RAD54L2: variants seen among roughly 807,000 people sequenced by gnomAD.
The protein encoded by RAD54L2 is RAD54 like 2, also known as helicase ARIP4.
A neutral mutation model predicts 138.4 loss-of-function variants in RAD54L2; 27 were observed. That is an observed-to-expected ratio of 0.20 (90% CI 0.14 to 0.27). The LOEUF is 0.27. Ranked by LOEUF, RAD54L2 falls within the 10% of genes least tolerant of loss-of-function variation. RAD54L2 has a pLI of 1.00. For missense variants in RAD54L2, 1,396 were observed against 1,890.2 expected, an observed-to-expected ratio of 0.74 and a Z score of 4.85; for synonymous variants, 644 against 723.2, an observed-to-expected ratio of 0.89 and a Z score of 1.76.
At chr3:51,661,689 A>G (rs1243369183) in intron 22 of RAD54L2, among the ~76,000 whole-genome samples, 2 of 152,236 alleles carry the variant, frequency 1.3e-5, no homozygotes, top group African/African-American at 4.8e-5. Flanking sequence ...TCAAATTTTC[A>G]TACATACAGA....
At chr3:51,598,137 GTGTATATATATA>G (rs1700008294) in intron 3 of RAD54L2, among the ~76,000 whole-genome samples, 2 of 145,406 alleles carry the variant, frequency 1.4e-5, no homozygotes, top group East Asian at 2.0e-4. Flanking sequence ...ATATATATGT[GTGTATATATATA>G]TGTGTGTGTG....
chr3:51,629,595 A>C, intron 5 of RAD54L2, 122 bp downstream of exon 5: 82 of 1,266,640 alleles, frequency 6.5e-5, no homozygotes, highest in Non-Finnish European at 8.4e-5. Context: ...GCGGTGGCTC[A>C]CGCCTGTAAT....
rs1207317070 is a variant in RAD54L2 at position 51,607,093 on chromosome 3, AT to A, written c.139+16541del. On this transcript the variant is annotated intron_variant, in intron 3 of 22. Coordinates refer to ENST00000684192, the MANE Select transcript of RAD54L2 (RefSeq NM_015106.4). ...ATTTTTTTTTATTTTTTTATTTTTT[AT>A]TTTTTTATTTTATTTTATTTTTTTT... 5.0e-3 allele frequency among the ~76,000 whole-genome samples: 637 copies of A among 128,494 alleles called. 4 individuals are homozygous for A. The highest frequency in any genetic ancestry group is 0.017 in the African/African-American group (595 of 34,888). The allele number at this position is 128,494 out of a possible 152,430, so 84.3% of individuals were successfully genotyped here.
intron 2 of RAD54L2, among the ~76,000 whole-genome samples, chr3:51,576,976 G>C (rs945363324): frequency 6.6e-6 from 1 of 152,026 alleles, no homozygotes; most frequent in Non-Finnish European, 1.5e-5. Flanking sequence ...TCTCTTGTGG[G>C]CATTTAGTGC....
chr3:51,612,704 A>C (rs1466207033), intron 3 of RAD54L2, among the ~76,000 whole-genome samples: 3 of 152,098 alleles, frequency 2.0e-5, no homozygotes, highest in South Asian at 2.1e-4. Flanking sequence ...AAAAAAAAAA[A>C]AAAAACCTGT....
rs1419117552 is a variant in RAD54L2, at chr3:51,659,351, C to T, written c.3317-675C>T. Among the ~76,000 whole-genome samples the T allele has an allele frequency of 3.9e-5, 6 of 152,028 alleles. No individual in the cohort carries two copies. In the East Asian group the frequency reaches 7.7e-4, roughly 20 times the overall value. On this transcript the variant is annotated intron_variant, in intron 21 of 22. Coordinates refer to ENST00000684192, the MANE Select transcript of RAD54L2 (RefSeq NM_015106.4). ...CAATCTCCTGACCTTGTGATCCACC[C>T]GCCTCGGCCTCCCAAAATGCTGGGA...
chr3:51,551,506 G>T (rs1698836890), intron 2 of RAD54L2, among the ~76,000 whole-genome samples: 1 of 151,734 alleles, frequency 6.6e-6, no homozygotes, highest in Admixed American at 6.6e-5. Context: ...CGCGATCTCG[G>T]CTCACTGCAA....
At chr3:51,629,708 A>G (rs1282988477) in intron 5 of RAD54L2, among the ~76,000 whole-genome samples, 1 of 151,696 alleles carries the variant, frequency 6.6e-6, no homozygotes, top group Non-Finnish European at 1.5e-5. Flanking sequence ...AAAATACAAA[A>G]AAAAATTAGC....
chr3:51,582,649 T>C (rs1379730172), intron 2 of RAD54L2, among the ~76,000 whole-genome samples: 3 of 151,394 alleles, frequency 2.0e-5, no homozygotes, highest in Non-Finnish European at 2.9e-5. Flanking sequence ...TTTCATTTGC[T>C]CCCCTCAGAA....
intron 21 of RAD54L2, among the ~76,000 whole-genome samples, chr3:51,658,195 G>C (rs1285335249): frequency 6.6e-6 from 1 of 151,606 alleles, no homozygotes; most frequent in African/African-American, 2.4e-5. Context: ...GCCTCCCAAC[G>C]TGCCGGGATT....
At chr3:51,657,029 A>C (rs902836671) in intron 20 of RAD54L2, among the ~76,000 whole-genome samples, 1 of 152,102 alleles carries the variant, frequency 6.6e-6, no homozygotes, top group Non-Finnish European at 1.5e-5. Context: ...GAGCCATTGC[A>C]CCCGGCCAAT....
intron 3 of RAD54L2, among the ~76,000 whole-genome samples, chr3:51,616,283 A>C (rs1700440008): frequency 6.6e-6 from 1 of 152,028 alleles, no homozygotes; most frequent in Admixed American, 6.6e-5. Context: ...TCTCTTCCCT[A>C]CCCTTCCAAC....
At chr3:51,649,902 A>G (rs1316173521) in intron 19 of RAD54L2, among the ~76,000 whole-genome samples, 2 of 152,236 alleles carry the variant, frequency 1.3e-5, no homozygotes, top group African/African-American at 4.8e-5. Context: ...ACCAGCAAAC[A>G]TCATAATGAT....
intron 2 of RAD54L2, among the ~76,000 whole-genome samples, chr3:51,567,438 T>C (rs536235655): frequency 1.1e-3 from 166 of 152,320 alleles, no homozygotes; most frequent in African/African-American, 3.9e-3. Context: ...CAGTACTTTT[T>C]TTTGTTAACT....
At chr3:51,578,629 A>G (rs1699536949) in intron 2 of RAD54L2, among the ~76,000 whole-genome samples, 1 of 151,978 alleles carries the variant, frequency 6.6e-6, no homozygotes, top group Non-Finnish European at 1.5e-5. Context: ...TCGCTACTCT[A>G]CTCATCGTGG....
At position 51,633,691 on chromosome 3, in the gene RAD54L2, C is replaced by G. The variant is rs528014836; in HGVS notation, c.940C>G (p.Gln314Glu). ...CAGCATGGGTCTGGGGAAAACTTTG[C>G]AAGTGATCTCTTTCATCGACGTCCT... ...AHSMGLGKTL[Q>E]VISFIDVLFR... Residue 314 changes from glutamine (Q) to glutamate (E), a missense_variant, in exon 8 of 23, where the codon CAA becomes GAA. Physicochemically the swap from Gln to Glu is conservative, Grantham distance 29. Around this residue, in one of 7 missense-constraint regions of RAD54L2, gnomAD observed 169 missense variants for 235.6 expected, o/e 0.72. Transcript: ENST00000684192. 2 of 1,613,998 alleles carry G rather than the reference C, an allele frequency of 1.2e-6. No individual in the cohort carries two copies. The highest frequency in any genetic ancestry group is 2.7e-5 in the African/African-American group (2 of 75,060).
chr3:51,662,283 T>A lies in RAD54L2; in HGVS notation c.3410-143T>A, dbSNP rs116442586. The A allele has an allele frequency of 1.2e-3, 808 of 676,044 alleles. 8 individuals carry two copies. The African/African-American group carries it at 0.014, about 11-fold the overall frequency. The allele number at this position is 676,044 out of a possible 1,614,324, so 41.9% of individuals were successfully genotyped here. A position where few individuals can be genotyped will look rare whatever the true frequency, so the allele number is the denominator to read the frequency against. On this transcript the variant is annotated intron_variant, in intron 22 of 22. Coordinates refer to ENST00000684192, the MANE Select transcript of RAD54L2 (RefSeq NM_015106.4). The surrounding 1 kb of genome is among the most constrained non-coding windows in gnomAD (Gnocchi z 4.6). The stretch of plus-strand genomic sequence containing the variant: ...AGAATTTCTTTGTGACTGGAAAAGG[T>A]TGACTGGGTGATGTTGTTCAGACAT...
rs1701069759 is a variant in RAD54L2, at chr3:51,639,437, G to A, written c.1879G>A (p.Val627Met). 2 of 1,613,968 alleles carry A rather than the reference G, an allele frequency of 1.2e-6. No homozygotes were observed. The highest frequency in any genetic ancestry group is 1.1e-5 in the South Asian group (1 of 91,076). Reference sequence around the variant, plus strand: ...ACCTCAGATCTGGAATCACCCTGATGTGCTGTATGAAGCCCTTCAGAAGGA... The same window carrying A: ...ACCTCAGATCTGGAATCACCCTGATATGCTGTATGAAGCCCTTCAGAAGGA... ...VCCKIWNHPDVLYEALQKESL... is the reference protein window; with the variant it reads ...VCCKIWNHPDMLYEALQKESL... The change falls in exon 13 of 23, where the codon GTG (valine) becomes ATG (methionine). Residue 627 changes from valine (V) to methionine (M), a missense_variant. Physicochemically the swap from Val to Met is conservative, Grantham distance 21 (BLOSUM62 1). Transcript: ENST00000684192.
At chr3:51,627,863 A>G (rs1700729489) in intron 4 of RAD54L2, 109 bp downstream of exon 4, 4 of 1,229,494 alleles carry the variant, frequency 3.3e-6, no homozygotes, top group Non-Finnish European at 4.6e-6. Flanking sequence ...TTCTCTCTCC[A>G]AAGGAGAAAA....
Sources: gnomAD v4.1 joint callset for allele counts (sites outside exome capture counted in the v4.1 genomes callset) on GRCh38, gnomAD v4.1.1 for gene constraint, gnomAD v4.1.1 regional missense constraint, Gnocchi (gnomAD v3.1) non-coding constraint, MANE v1.5 for transcripts, NCBI Gene and HGNC (gene_info 2026-07-23, HGNC 2026-07-21) for gene names.